The following CCM2L variants were observed in gnomAD, a reference collection of about 807,000 sequenced individuals.
CCM2L encodes CCM2 like scaffold protein, also known as cerebral cavernous malformations 2 protein-like.
CCM2L carries 36 observed loss-of-function variants against 54.1 expected under a neutral mutation model. That is an observed-to-expected ratio of 0.67 (90% CI 0.51 to 0.88). CCM2L has a LOEUF of 0.88. CCM2L is among the 40% of genes least tolerant of loss of function. The pLI, the probability that CCM2L is intolerant of heterozygous loss-of-function variation, is 0.00. For synonymous variants in CCM2L, 351 were observed against 359.3 expected, an observed-to-expected ratio of 0.98 and a Z score of 0.26; for missense variants, 700 against 812.1, an observed-to-expected ratio of 0.86 and a Z score of 1.68.
chr20:32,010,511 G>A (rs1422771068), intron 1 of CCM2L, 27 bp downstream of exon 1: 34 of 1,547,900 alleles, frequency 2.2e-5, no homozygotes, highest in East Asian at 2.4e-5. Context: ...GAGGGACGAA[G>A]GGAGAGGAAT....
chr20:32,010,971 G>A (rs999884249), intron 1 of CCM2L, among the ~76,000 whole-genome samples: 7 of 152,148 alleles, frequency 4.6e-5, no homozygotes, highest in African/African-American at 1.7e-4. Flanking sequence ...GCGTATGTAA[G>A]GCGTCAGCCA....
Position 32,013,432 on chromosome 20 carries a change from G to C in CCM2L, c.31-1472G>C, listed in dbSNP as rs903943715. Among the ~76,000 whole-genome samples the C allele has an allele frequency of 1.8e-4, 27 of 152,202 alleles. 1 individual carries two copies. The highest frequency in any genetic ancestry group is 9.2e-4 in the Admixed American group (14 of 15,290). On this transcript the variant is annotated intron_variant, in intron 1 of 9. Coordinates refer to ENST00000452892, the MANE Select transcript of CCM2L (RefSeq NM_001365692.1). ...CGTAGTTCGTGTGTGTGTGGAGTGG[G>C]GGGGTGGGGGTTGTTTGTTTTGTTC...
intron 5 of CCM2L, among the ~76,000 whole-genome samples, chr20:32,019,984 C>A (rs1275590054): frequency 6.6e-6 from 1 of 152,180 alleles, no homozygotes; most frequent in East Asian, 1.9e-4. Context: ...TCTTCCTTCC[C>A]CCTCCGTCTT....
At chr20:32,019,982 C>CCCCCTCCGTCTT (rs1258236302) in intron 5 of CCM2L, among the ~76,000 whole-genome samples, 1 of 152,144 alleles carries the variant, frequency 6.6e-6, no homozygotes, top group African/African-American at 2.4e-5. Context: ...ATTCTTCCTT[C>CCCCCTCCGTCTT]CCCCTCCGTC....
rs2064796523 is a variant in CCM2L, at chr20:32,020,646, GCT to G, written c.933+1244_933+1245del. 4.6e-5 allele frequency among the ~76,000 whole-genome samples: 7 copies of G among 152,192 alleles called. No individual in the cohort carries two copies. In the South Asian group the frequency reaches 8.3e-4, roughly 18 times the overall value. On this transcript the variant is annotated intron_variant, in intron 5 of 9. Transcript: ENST00000452892. ...GCTGTGGGCCTTGGCTGGCTCTCACGCTCTCTCTTTCTCACACACACCCCATA... is the reference window on the plus strand; with the variant it reads ...GCTGTGGGCCTTGGCTGGCTCTCACGCTCTCTTTCTCACACACACCCCATA...
intron 9 of CCM2L, among the ~76,000 whole-genome samples, chr20:32,030,766 C>A (rs1233100393): frequency 6.6e-6 from 1 of 150,568 alleles, no homozygotes; most frequent in African/African-American, 2.5e-5. Context: ...ACCCGGGAGG[C>A]AGAGGCTATA....
rs547696242 is a variant in CCM2L at position 32,019,347 on chromosome 20, G to A, written c.871G>A (p.Asp291Asn). The A allele has an allele frequency of 1.5e-4, 215 of 1,475,306 alleles. No homozygotes were observed. Among genetic ancestry groups the A allele is most frequent in the Middle Eastern group, 7.1e-4 (3 of 4,216 alleles). The allele number at this position is 1,475,306 out of a possible 1,614,324, so 91.4% of individuals were successfully genotyped here. A position where few individuals can be genotyped will look rare whatever the true frequency, so the allele number is the denominator to read the frequency against. ...GCGCCACCCCGGCCCCAACCCGCTC[G>A]ACCCGCAGGACCCCAGCCCCGACGC... is the stretch of plus-strand genomic sequence containing the variant. ...ERRHPGPNPL[D>N]PQDPSPDAYC... The change falls in exon 5 of 10, where the codon GAC becomes AAC. Residue 291 changes from aspartate (D) to asparagine (N), a missense_variant. Coordinates refer to ENST00000452892, the MANE Select transcript of CCM2L (RefSeq NM_001365692.1).
intron 6 of CCM2L, among the ~76,000 whole-genome samples, chr20:32,023,998 G>T (rs905439158): frequency 1.3e-5 from 2 of 152,204 alleles, no homozygotes; most frequent in Non-Finnish European, 1.5e-5. Flanking sequence ...CTCCCAAAGT[G>T]CTGGGATTAC....
At chr20:32,010,686 T>C (rs73906718) in intron 1 of CCM2L, among the ~76,000 whole-genome samples, 5,830 of 152,198 alleles carry the variant, frequency 0.038, 364 homozygotes, top group African/African-American at 0.13. Context: ...CAGTGGCCTC[T>C]GGCATCCCTA....
In CCM2L at chr20:32,029,795, C is replaced by A. The variant is rs766134324; in HGVS notation, c.1359C>A (p.Gly453=). The change falls in exon 9 of 10, where the codon GGC becomes GGA. Residue 453 remains glycine (G), a synonymous_variant. Transcript: ENST00000452892. ...TGCCCATCCAGGACTATTGCACAGG[C>A]CTGCTGAAGCTCTACGGAGACCGGC... is the stretch of plus-strand genomic sequence containing the variant. ...LGLPIQDYCT[G]LLKLYGDRRK... is the part of the protein sequence containing the mutation. 1.2e-6 allele frequency: 2 copies of A among 1,612,374 alleles called. No homozygotes were observed. The highest frequency in any genetic ancestry group is 3.3e-5 in the Admixed American group (2 of 59,866).
chr20:32,012,189 A>C (rs1409937469), intron 1 of CCM2L, among the ~76,000 whole-genome samples: 1 of 152,052 alleles, frequency 6.6e-6, no homozygotes, highest in Non-Finnish European at 1.5e-5. Context: ...GAATCACCTG[A>C]GGGCTCATTA....
chr20:32,019,443 G>A (rs1157377260), intron 5 of CCM2L, 34 bp downstream of exon 5: 1 of 1,439,068 alleles, frequency 6.9e-7, no homozygotes, highest in Non-Finnish European at 9.1e-7. Flanking sequence ...CCAAAGCCCG[G>A]CTTCGGGAAC....
intron 5 of CCM2L, among the ~76,000 whole-genome samples, chr20:32,020,000 C>T (rs886797272): frequency 6.6e-6 from 1 of 152,190 alleles, no homozygotes; most frequent in African/African-American, 2.4e-5. Context: ...GTCTTCCCCT[C>T]TGCCTCCCCC....
chr20:32,018,824 G>T, intron 4 of CCM2L, 119 bp from the exon 5 acceptor site: 1 of 1,156,416 alleles, frequency 8.6e-7, no homozygotes, highest in Non-Finnish European at 1.1e-6. Context: ...TTTAAAGCCG[G>T]GGGCGAGGCG....
chr20:32,029,463 C>A (rs2064898285), intron 8 of CCM2L, among the ~76,000 whole-genome samples: 1 of 152,132 alleles, frequency 6.6e-6, no homozygotes, highest in South Asian at 2.1e-4. Context: ...TGTCACCTAC[C>A]CAAGATCACA....
At chr20:32,021,058 A>G (rs1207977825) in intron 5 of CCM2L, among the ~76,000 whole-genome samples, 1 of 151,956 alleles carries the variant, frequency 6.6e-6, no homozygotes, top group African/African-American at 2.4e-5. Flanking sequence ...TCTCACCTGA[A>G]TCATGTGGTC....
chr20:32,023,091 C>T (rs963002091), intron 6 of CCM2L, among the ~76,000 whole-genome samples: 1 of 152,146 alleles, frequency 6.6e-6, no homozygotes, highest in Non-Finnish European at 1.5e-5. Flanking sequence ...CTCAGTCTCC[C>T]GAGTAGCTGG....
chr20:32,013,989 G>C (rs1215723945), intron 1 of CCM2L, among the ~76,000 whole-genome samples: 1 of 152,102 alleles, frequency 6.6e-6, no homozygotes, highest in Admixed American at 6.6e-5. Context: ...GTTCTAGATG[G>C]AACTCAAACT....
chr20:32,018,243 A>AGGGGCAGGGGCC (rs2064761116), intron 4 of CCM2L, 81 bp downstream of exon 4: 2 of 54,450 alleles, frequency 3.7e-5, no homozygotes, highest in Non-Finnish European at 7.2e-5. Context: ...GGGCAGGGGC[A>AGGGGCAGGGGCC]GGGGCAGGGG....
Sources: allele counts gnomAD v4.1 joint callset (sites outside exome capture counted in the v4.1 genomes callset), GRCh38; gene constraint gnomAD v4.1.1; transcripts MANE v1.5; gene names NCBI Gene and HGNC (gene_info 2026-07-23, HGNC 2026-07-21).